Variants in WWOX observed in about 807,000 individuals in gnomAD.
WWOX encodes WW domain containing oxidoreductase.
A neutral mutation model predicts 46.2 loss-of-function variants in WWOX; 69 were observed. That is an observed-to-expected ratio of 1.49 (90% confidence interval 1.23 to 1.82). The LOEUF is 1.82. Ranked by LOEUF, WWOX falls within the 40% of genes most tolerant of loss-of-function variation. WWOX has a pLI of 0.00. For synonymous variants in WWOX, 359 were observed against 202.6 expected (o/e 1.77, Z -6.56); for missense variants, 919 against 542.6 (o/e 1.69, Z -6.89).
At chr16:78,822,905 G>C (rs72801076) in intron 8 of WWOX, among the ~76,000 whole-genome samples, 1 of 151,606 alleles carries the variant, frequency 6.6e-6, no homozygotes, top group Non-Finnish European at 1.5e-5. Flanking sequence ...ATCATAAAGG[G>C]GCTTGATAAA....
chr16:78,462,501 A>C (rs1432853131), intron 8 of WWOX, among the ~76,000 whole-genome samples: 1 of 152,184 alleles, frequency 6.6e-6, no homozygotes, highest in African/African-American at 2.4e-5. Flanking sequence ...AATTGTTGTA[A>C]GGTCAGGTAC....
chr16:78,567,223 G>A (rs766818018), intron 8 of WWOX, among the ~76,000 whole-genome samples: 1 of 152,160 alleles, frequency 6.6e-6, no homozygotes, highest in African/African-American at 2.4e-5. Context: ...TGAGCTGCCT[G>A]CCAGGGTCTT....
At chr16:79,182,032 C>T (rs548933848) in intron 8 of WWOX, among the ~76,000 whole-genome samples, 1 of 151,894 alleles carries the variant, frequency 6.6e-6, no homozygotes, top group Non-Finnish European at 1.5e-5. Context: ...GACAGGTTAT[C>T]GTGTGCTGAA....
intron 8 of WWOX, among the ~76,000 whole-genome samples, chr16:78,938,056 A>G (rs780116954): frequency 7.9e-5 from 12 of 152,152 alleles, no homozygotes; most frequent in Admixed American, 3.9e-4. Flanking sequence ...TCACTTTCCC[A>G]AGTCTGGGCA....
chr16:78,365,441 C>T (rs907717748), intron 5 of WWOX, among the ~76,000 whole-genome samples: 25 of 152,278 alleles, frequency 1.6e-4, no homozygotes, highest in South Asian at 2.1e-4. Context: ...AGCATCCCAC[C>T]AATAAACTGT....
At chr16:78,718,097 A>ATTTT (rs2048610694) in intron 8 of WWOX, among the ~76,000 whole-genome samples, 1 of 68,264 alleles carries the variant, frequency 1.5e-5, no homozygotes, top group African/African-American at 7.0e-5. Flanking sequence ...TGGTGGTTGT[A>ATTTT]TTTTTGCCTC....
intron 8 of WWOX, among the ~76,000 whole-genome samples, chr16:78,775,798 T>G (rs974340492): frequency 3.3e-5 from 5 of 152,246 alleles, no homozygotes; most frequent in African/African-American, 1.2e-4. Flanking sequence ...CAGTGGCTTT[T>G]GGCCCACTAC....
chr16:78,483,492 AG>A (rs1256183124), intron 8 of WWOX, among the ~76,000 whole-genome samples: 1 of 151,128 alleles, frequency 6.6e-6, no homozygotes, highest in African/African-American at 2.4e-5. Context: ...TGATCGGTGA[AG>A]GCAGACAGTA....
At chr16:79,158,308 A>G (rs2050421268) in intron 8 of WWOX, among the ~76,000 whole-genome samples, 1 of 152,238 alleles carries the variant, frequency 6.6e-6, no homozygotes, top group Non-Finnish European at 1.5e-5. Flanking sequence ...GAGAAACAAG[A>G]CTAGCAAATA....
chr16:78,931,206 G>C (rs1258200348), intron 8 of WWOX, among the ~76,000 whole-genome samples: 1 of 152,186 alleles, frequency 6.6e-6, no homozygotes, highest in Non-Finnish European at 1.5e-5. Context: ...CTCAGGAATA[G>C]TGGAAAACTG....
At chr16:78,166,201 T>C (rs1460059816) in intron 5 of WWOX, among the ~76,000 whole-genome samples, 1 of 152,116 alleles carries the variant, frequency 6.6e-6, no homozygotes, top group Non-Finnish European at 1.5e-5. Flanking sequence ...GCAGGAGATC[T>C]CTTATTAGTG....
chr16:78,815,918 A>G lies in WWOX; in HGVS notation c.1056+383166A>G, dbSNP rs1259316630. Among the ~76,000 whole-genome samples, 3 of 152,170 alleles carry G rather than the reference A, an allele frequency of 2.0e-5. No homozygotes were observed. In the South Asian group the frequency reaches 6.2e-4, roughly 32 times the overall value. Reference sequence around the variant, plus strand: ...TACAGGGCTCAGAGGTTCTCTCCCCAACCCATTCACTGGCCCTGCTCTCTC... The same window carrying G: ...TACAGGGCTCAGAGGTTCTCTCCCCGACCCATTCACTGGCCCTGCTCTCTC... On this transcript the variant is annotated intron_variant, in intron 8 of 8. Transcript: ENST00000566780.
At chr16:79,132,127 A>AACACACACACAC (rs141785224) in intron 8 of WWOX, among the ~76,000 whole-genome samples, 9 of 141,486 alleles carry the variant, frequency 6.4e-5, no homozygotes, top group South Asian at 2.2e-4. Context: ...CACTTGCAGA[A>AACACACACACAC]ACACACACAC....
At chr16:78,975,259 G>A (rs1254243948) in intron 8 of WWOX, among the ~76,000 whole-genome samples, 1 of 152,186 alleles carries the variant, frequency 6.6e-6, no homozygotes, top group African/African-American at 2.4e-5. Flanking sequence ...CAGGGAAGGT[G>A]TGGCAATGTC....
chr16:78,404,404 T>C (rs940771043), intron 6 of WWOX, among the ~76,000 whole-genome samples: 2 of 152,128 alleles, frequency 1.3e-5, no homozygotes, highest in Non-Finnish European at 2.9e-5. Flanking sequence ...CCCATTATTA[T>C]GACTTAATCC....
chr16:78,925,322 G>A (rs56003201), intron 8 of WWOX, among the ~76,000 whole-genome samples: 44,332 of 152,126 alleles, frequency 0.29, 7,971 homozygotes, highest in East Asian at 0.44. Context: ...TCAACTGCCC[G>A]GATGATAAAC....
At chr16:79,013,644 C>T (rs1229529699) in intron 8 of WWOX, among the ~76,000 whole-genome samples, 1 of 152,134 alleles carries the variant, frequency 6.6e-6, no homozygotes, top group African/African-American at 2.4e-5. Context: ...CCCGGGTCTC[C>T]TCGGAGGTCG....
chr16:78,573,373 T>G (rs1202216238), intron 8 of WWOX, among the ~76,000 whole-genome samples: 1 of 152,234 alleles, frequency 6.6e-6, no homozygotes, highest in Non-Finnish European at 1.5e-5. Flanking sequence ...CTTGGCTGTT[T>G]TGTTTTTTCT....
At chr16:79,032,731 A>C (rs1227258740) in intron 8 of WWOX, among the ~76,000 whole-genome samples, 2 of 151,528 alleles carry the variant, frequency 1.3e-5, no homozygotes, top group East Asian at 3.9e-4. Context: ...AACCAGCCTT[A>C]GATTGCCTAG....
Sources: allele counts gnomAD v4.1 joint callset (sites outside exome capture counted in the v4.1 genomes callset), GRCh38; gene constraint gnomAD v4.1.1; transcripts MANE v1.5; gene names NCBI Gene and HGNC (gene_info 2026-07-23, HGNC 2026-07-21).